Variants in TENM2 observed in about 807,000 individuals in gnomAD.
TENM2 encodes the protein teneurin transmembrane protein 2.
In TENM2, 52 loss-of-function variants were observed where a neutral mutation model predicts 245.2. The ratio of observed to expected loss-of-function variants is 0.21; its 90% CI spans 0.17 to 0.27. TENM2 has a LOEUF of 0.27. Ranked by LOEUF, TENM2 falls within the 10% of genes least tolerant of loss-of-function variation. The probability of loss-of-function intolerance (pLI) is 1.00; values close to 1 mark genes in which losing one functional copy is unlikely to be tolerated. For missense variants in TENM2, 3,046 were observed against 3,666.8 expected, an observed-to-expected ratio of 0.83 and a Z score of 4.37; for synonymous variants, 1,363 against 1,438.9, an observed-to-expected ratio of 0.95 and a Z score of 1.19.
chr5:167,491,822 G>A (rs1018298758), intron 2 of TENM2, among the ~76,000 whole-genome samples: 4 of 151,892 alleles, frequency 2.6e-5, no homozygotes, highest in African/African-American at 9.7e-5. Context: ...CCAACTACGT[G>A]ATCTAAAAAA....
chr5:167,428,975 T>C (rs1328704820), intron 2 of TENM2, among the ~76,000 whole-genome samples: 1 of 152,200 alleles, frequency 6.6e-6, no homozygotes, highest in Non-Finnish European at 1.5e-5. Flanking sequence ...AACATCCTAA[T>C]GTCCTTTAAG....
chr5:167,289,991 G>C (rs1754540984), intron 1 of TENM2, among the ~76,000 whole-genome samples: 1 of 152,188 alleles, frequency 6.6e-6, no homozygotes, highest in Non-Finnish European at 1.5e-5. Flanking sequence ...AGGCTGAAAT[G>C]TACCTTGAGA....
chr5:168,242,419 A>C (rs2152681917), intron 25 of TENM2, among the ~76,000 whole-genome samples: 1 of 152,338 alleles, frequency 6.6e-6, no homozygotes, highest in South Asian at 2.1e-4. Flanking sequence ...CATACAATAC[A>C]GGAAGCAGTA....
At chr5:167,901,095 A>G (rs1375420701) in intron 3 of TENM2, among the ~76,000 whole-genome samples, 2 of 152,194 alleles carry the variant, frequency 1.3e-5, no homozygotes, top group African/African-American at 4.8e-5. Flanking sequence ...ATGCATGTGC[A>G]ATTTAAGAAG....
At chr5:167,701,409 T>C (rs1758135711) in intron 2 of TENM2, among the ~76,000 whole-genome samples, 1 of 150,956 alleles carries the variant, frequency 6.6e-6, no homozygotes, top group African/African-American at 2.4e-5. Flanking sequence ...TTTTTTTTTT[T>C]ACATCAGTTT....
chr5:167,765,105 A>C lies in TENM2; in HGVS notation c.503-110881A>C, dbSNP rs73801389. Among the ~76,000 whole-genome samples the C allele has an allele frequency of 8.0e-3, 1,216 of 152,196 alleles. 14 individuals carry two copies. Among genetic ancestry groups the C allele is most frequent in the African/African-American group, 0.028 (1,145 of 41,512 alleles). ...TTTCACTCCTCCCAGAAAGTTATTC[A>C]AATTGAGACCTACAGGTCTGGGTGT... On this transcript the variant is annotated intron_variant, in intron 2 of 28. Transcript: ENST00000518659.
chr5:168,187,993 A>G (rs1217443041), intron 13 of TENM2, among the ~76,000 whole-genome samples: 1 of 152,228 alleles, frequency 6.6e-6, no homozygotes, highest in Admixed American at 6.5e-5. Flanking sequence ...TACGAGGCAC[A>G]TGAGCAACAT....
chr5:167,385,854 ATATGTGTGTGTGTGTGTGTGTG>A (rs1398536619), intron 2 of TENM2, among the ~76,000 whole-genome samples: 2 of 130,100 alleles, frequency 1.5e-5, no homozygotes, highest in African/African-American at 6.2e-5. Flanking sequence ...CATTATATAT[ATATGTGTGTGTGTGTGTGTGTG>A]TGTGTGTGTG....
the TENM2 span, among the ~76,000 whole-genome samples, chr5:167,083,727 CCCA>C: frequency 6.6e-6 from 1 of 152,108 alleles, no homozygotes; most frequent in Non-Finnish European, 1.5e-5. Context: ...AATGTTACTG[CCCA>C]CCAAGTTTCC....
intron 2 of TENM2, among the ~76,000 whole-genome samples, chr5:167,819,167 A>G (rs897651864): frequency 2.0e-5 from 3 of 151,938 alleles, no homozygotes; most frequent in African/African-American, 7.3e-5. Context: ...CCCAATTCCC[A>G]TTGCTTTTCT....
chr5:167,356,213 A>C (rs1300096945), intron 1 of TENM2, among the ~76,000 whole-genome samples: 1 of 122,946 alleles, frequency 8.1e-6, no homozygotes, highest in Non-Finnish European at 1.8e-5. Context: ...AAAAAAAAAA[A>C]AAAAAAAATT....
chr5:167,932,179 C>T (rs916661619), intron 3 of TENM2, among the ~76,000 whole-genome samples: 1 of 152,112 alleles, frequency 6.6e-6, no homozygotes, highest in African/African-American at 2.4e-5. Context: ...CATCTTGCTG[C>T]AATTCCATCG....
intron 2 of TENM2, among the ~76,000 whole-genome samples, chr5:167,609,519 C>CAAAAAAAAAAAAAAAT (rs1171421408): frequency 1.2e-4 from 15 of 128,980 alleles, no homozygotes; most frequent in East Asian, 1.1e-3. Flanking sequence ...AAAACAAAAC[C>CAAAAAAAAAAAAAAAT]TTACCTAGAA....
intron 19 of TENM2, among the ~76,000 whole-genome samples, chr5:168,210,705 G>A (rs1336230715): frequency 6.6e-6 from 1 of 151,790 alleles, no homozygotes; most frequent in African/African-American, 2.4e-5. Context: ...GCCCCCGGCA[G>A]AGGACTGAGC....
intron 7 of TENM2, among the ~76,000 whole-genome samples, chr5:168,067,030 C>G (rs1037617052): frequency 6.6e-6 from 1 of 152,134 alleles, no homozygotes; most frequent in Non-Finnish European, 1.5e-5. Flanking sequence ...AAGAACAAGT[C>G]AATAATTGGC....
chr5:167,037,176 T>G, the TENM2 span, among the ~76,000 whole-genome samples: 1 of 152,232 alleles, frequency 6.6e-6, no homozygotes, highest in Non-Finnish European at 1.5e-5. Context: ...ATTTATTGCT[T>G]TCCTCAGTTC....
chr5:167,307,053 A>G (rs1369013225), intron 1 of TENM2, among the ~76,000 whole-genome samples: 1 of 152,198 alleles, frequency 6.6e-6, no homozygotes, highest in African/African-American at 2.4e-5. Context: ...TTGACTGACT[A>G]TGTGAAAACC....
intron 2 of TENM2, among the ~76,000 whole-genome samples, chr5:167,604,319 G>T (rs1776868304): frequency 6.6e-6 from 1 of 152,088 alleles, no homozygotes; most frequent in Non-Finnish European, 1.5e-5. Flanking sequence ...TTCACTTTTA[G>T]CCTTGAAACT....
chr5:167,886,029 C>T (rs1398351443), intron 3 of TENM2, among the ~76,000 whole-genome samples: 1 of 152,196 alleles, frequency 6.6e-6, no homozygotes, highest in African/African-American at 2.4e-5. Flanking sequence ...TCTGGCTCCC[C>T]TTGTGTGTCT....
Sources: allele counts gnomAD v4.1 joint callset (sites outside exome capture counted in the v4.1 genomes callset), GRCh38; gene constraint gnomAD v4.1.1; transcripts MANE v1.5; gene names NCBI Gene and HGNC (gene_info 2026-07-23, HGNC 2026-07-21).